Variants in CDC42BPA observed in about 807,000 individuals in gnomAD.
CDC42BPA encodes the protein CDC42 binding protein kinase alpha.
Under a neutral mutation model 223.5 loss-of-function variants are expected in CDC42BPA, and 80 were observed. The observed-to-expected ratio is 0.36, with a 90% confidence interval of 0.30 to 0.43. The LOEUF (loss-of-function observed/expected upper bound fraction) is 0.43, where lower values mean the gene tolerates loss of function less well. CDC42BPA is among the 20% of genes least tolerant of loss of function. CDC42BPA has a pLI of 1.00. For synonymous variants in CDC42BPA, 694 were observed against 718.6 expected, an observed-to-expected ratio of 0.97 and a Z score of 0.55; for missense variants, 1,743 against 2,099.9, an observed-to-expected ratio of 0.83 and a Z score of 3.32.
In CDC42BPA at chr1:226,991,513, T is replaced by C. The variant is rs986029722; in HGVS notation, c.*2755A>G. 3.3e-5 allele frequency: 5 copies of C among 152,214 alleles called. No homozygotes were observed. The highest frequency in any genetic ancestry group is 3.3e-4 in the Admixed American group (5 of 15,284). The allele number at this position is 152,214 out of a possible 1,614,324, so 9.4% of individuals were successfully genotyped here. On this transcript the variant is annotated 3_prime_UTR_variant, in exon 37 of 37. Coordinates refer to ENST00000366766, the MANE Select transcript of CDC42BPA (RefSeq NM_001394014.1). ...AAACCCTCCCCAAAACTATTCCCCC[T>C]GGCAGTGTTTCTCTCCTAAAGCCCT...
At chr1:227,152,413 C>T (rs1393933849) in intron 6 of CDC42BPA, among the ~76,000 whole-genome samples, 2 of 151,950 alleles carry the variant, frequency 1.3e-5, no homozygotes, top group East Asian at 1.9e-4. Context: ...GAGTGTTACA[C>T]GTTGAGTTAA....
intron 14 of CDC42BPA, among the ~76,000 whole-genome samples, chr1:227,107,780 C>T (rs1031608184): frequency 6.6e-6 from 1 of 152,080 alleles, no homozygotes; most frequent in Admixed American, 6.6e-5. Flanking sequence ...TGTTATAGGT[C>T]TGCAGAGATT....
chr1:227,156,935 C>A (rs1425641136), intron 6 of CDC42BPA, among the ~76,000 whole-genome samples: 1 of 152,162 alleles, frequency 6.6e-6, no homozygotes, highest in Non-Finnish European at 1.5e-5. Flanking sequence ...CTCAGCAACA[C>A]CACCATGCTA....
chr1:227,022,082 T>C (rs1403500719), intron 32 of CDC42BPA, among the ~76,000 whole-genome samples: 1 of 152,072 alleles, frequency 6.6e-6, no homozygotes, highest in African/African-American at 2.4e-5. Context: ...GGTCTAAACA[T>C]TTTAATGTGT....
At chr1:227,036,035 T>C (rs7521639) in intron 24 of CDC42BPA, among the ~76,000 whole-genome samples, 72,519 of 151,998 alleles carry the variant, frequency 0.48, 17,940 homozygotes, top group East Asian at 0.72. Flanking sequence ...TTTGGCAAAC[T>C]CTACCAATCC....
At chr1:227,312,757 CG>C (rs1430280191) in intron 1 of CDC42BPA, among the ~76,000 whole-genome samples, 1 of 151,662 alleles carries the variant, frequency 6.6e-6, no homozygotes, top group Non-Finnish European at 1.5e-5. Flanking sequence ...AGGGACCTGG[CG>C]GGAGGTGACT....
intron 14 of CDC42BPA, among the ~76,000 whole-genome samples, chr1:227,108,498 TA>T (rs1686324028): frequency 6.6e-6 from 1 of 152,146 alleles, no homozygotes; most frequent in South Asian, 2.1e-4. Flanking sequence ...TTCCATTTAC[TA>T]AAATGTTTTT....
chr1:227,034,028 A>G (rs564304125), intron 26 of CDC42BPA, among the ~76,000 whole-genome samples: 1 of 152,302 alleles, frequency 6.6e-6, no homozygotes, highest in East Asian at 1.9e-4. Context: ...TGAGATGCCA[A>G]TGTGAAGTGC....
chr1:227,253,607 A>AATAAATAAATACATACATAC (rs368046447), intron 2 of CDC42BPA, among the ~76,000 whole-genome samples: 21 of 116,544 alleles, frequency 1.8e-4, no homozygotes, highest in East Asian at 1.2e-3. Flanking sequence ...AAAATAAATA[A>AATAAATAAATACATACATAC]ATACATACAT....
chr1:227,316,997 A>C lies in CDC42BPA; in HGVS notation c.178+8T>G, dbSNP rs199732583. On this transcript the variant is annotated splice_region_variant and intron_variant, in intron 1 of 36. Transcript: ENST00000366766. ...GATTAACAGTTTCTTTAAAAATTAC[A>C]AACTTACCCCATTCTAGGTATTCGA... 314 of 1,606,862 alleles carry C rather than the reference A, an allele frequency of 2.0e-4. No individual in the cohort carries two copies. The South Asian group carries it at 3.4e-3, about 17-fold the overall frequency.
chr1:227,230,787 GCTAA>G (rs2147973835), intron 2 of CDC42BPA, among the ~76,000 whole-genome samples: 1 of 143,304 alleles, frequency 7.0e-6, no homozygotes, highest in South Asian at 2.2e-4. Context: ...GTCCAATCCT[GCTAA>G]CTGATTTCTA....
intron 11 of CDC42BPA, among the ~76,000 whole-genome samples, chr1:227,122,972 A>G (rs927156802): frequency 2.1e-4 from 32 of 152,242 alleles, no homozygotes; most frequent in African/African-American, 7.7e-4. Flanking sequence ...ACATTTAGAT[A>G]AAGTTGTTAA....
chr1:227,217,147 T>C (rs1377988745), intron 2 of CDC42BPA, among the ~76,000 whole-genome samples: 2 of 152,150 alleles, frequency 1.3e-5, no homozygotes, highest in Admixed American at 1.3e-4. Context: ...ATATCTCCTC[T>C]GTTCCAACCC....
chr1:227,227,733 T>C (rs1677092156), intron 2 of CDC42BPA, among the ~76,000 whole-genome samples: 1 of 152,104 alleles, frequency 6.6e-6, no homozygotes, highest in Admixed American at 6.6e-5. Context: ...AAATAAAGGT[T>C]AGACAAGATA....
intron 11 of CDC42BPA, among the ~76,000 whole-genome samples, chr1:227,128,289 A>T (rs532784374): frequency 6.6e-6 from 1 of 152,334 alleles, no homozygotes; most frequent in East Asian, 1.9e-4. Flanking sequence ...ATTTTTGCTA[A>T]CATGTCACCT....
Position 227,317,339 on chromosome 1 carries a change from C to G in CDC42BPA, c.-157G>C, listed in dbSNP as rs918796778. 1.4e-5 allele frequency: 9 copies of G among 662,602 alleles called. No homozygotes were observed. The highest frequency in any genetic ancestry group is 2.2e-5 in the Non-Finnish European group (9 of 406,218). The allele number at this position is 662,602 out of a possible 1,614,324, so 41.0% of individuals were successfully genotyped here. On this transcript the variant is annotated 5_prime_UTR_variant, in exon 1 of 37. Transcript: ENST00000366766. ...GGTGCTGAATTAAACATCCAACACA[C>G]CAGTAACCTCACTTAACTGAAGCGT...
intron 2 of CDC42BPA, among the ~76,000 whole-genome samples, chr1:227,238,695 G>T (rs553794577): frequency 1.3e-5 from 2 of 152,258 alleles, no homozygotes; most frequent in East Asian, 3.9e-4. Context: ...TCATAAGAAA[G>T]CTGGCTATAC....
At chr1:227,029,271 AAATC>A in intron 29 of CDC42BPA, 21 bp from the exon 30 acceptor site, 2 of 1,437,514 alleles carry the variant, frequency 1.4e-6, no homozygotes, top group Non-Finnish European at 1.9e-6. Context: ...AAAGAATAAT[AAATC>A]AAAATATAGT....
intron 1 of CDC42BPA, among the ~76,000 whole-genome samples, chr1:227,314,283 T>G (rs12131933): frequency 0.11 from 16,891 of 152,110 alleles, 1,202 homozygotes; most frequent in South Asian, 0.19. Context: ...TCAAATACTA[T>G]TTACTATAAA....
Sources: allele counts gnomAD v4.1 joint callset (sites outside exome capture counted in the v4.1 genomes callset), GRCh38; gene constraint gnomAD v4.1.1; transcripts MANE v1.5; gene names NCBI Gene and HGNC (gene_info 2026-07-23, HGNC 2026-07-21).